The following SERPINC1 variants were observed in gnomAD, a reference collection of about 807,000 sequenced individuals.
SERPINC1 encodes antithrombin-III.
In SERPINC1, 12 loss-of-function variants were observed where a neutral mutation model predicts 43.4. The observed-to-expected ratio is 0.28, with a 90% CI of 0.18 to 0.45. The LOEUF (loss-of-function observed/expected upper bound fraction) is 0.45, where lower values mean the gene tolerates loss of function less well. Among genes scored for constraint, SERPINC1 ranks in the 20% least tolerant of loss-of-function variants. The probability of loss-of-function intolerance (pLI) is 1.00; values close to 1 mark genes in which losing one functional copy is unlikely to be tolerated. For synonymous variants in SERPINC1, 210 were observed against 218.9 expected (o/e 0.96, Z 0.36); for missense variants, 423 against 578.8 (o/e 0.73, Z 2.76).
chr1:173,910,700 A>G lies in SERPINC1; in HGVS notation c.762+54T>C, dbSNP rs542120519. ...CTCGCCATTTAAAAAAAAAGGGGGT[A>G]AGCTGAAGAGCAAGAGGAAGTCCCT... is the stretch of plus-strand genomic sequence containing the variant. On this transcript the variant is annotated intron_variant, in intron 4 of 6. Transcript: ENST00000367698. 876 of 1,589,500 alleles carry G rather than the reference A, an allele frequency of 5.5e-4. 9 individuals are homozygous for G. The South Asian group carries it at 8.6e-3, about 16-fold the overall frequency.
chr1:173,908,089 G>A (rs1657605955), intron 5 of SERPINC1, among the ~76,000 whole-genome samples: 2 of 151,656 alleles, frequency 1.3e-5, no homozygotes, highest in Admixed American at 1.3e-4. Context: ...TCAGCTTTTT[G>A]TGGGAGAGAG....
chr1:173,914,665 G>A lies in SERPINC1; in HGVS notation c.296C>T (p.Ala99Val). Residue 99 changes from alanine (A) to valine (V), a missense_variant, in exon 2 of 7, where the codon GCA becomes GTA. Ala to Val is a moderately conservative substitution (Grantham distance 64, BLOSUM62 0). Transcript: ENST00000367698. ...GTTATCATTGTCATTCTTGGAATCTGCCAGGTGCTGATAGAAAGTGGTAGC... is the reference window on the plus strand; with the variant it reads ...GTTATCATTGTCATTCTTGGAATCTACCAGGTGCTGATAGAAAGTGGTAGC... Reference protein sequence around the residue: ...RFATTFYQHLADSKNDNDNIF... With the variant: ...RFATTFYQHLVDSKNDNDNIF... 2 of 1,614,242 alleles carry A rather than the reference G, an allele frequency of 1.2e-6. No homozygotes were observed. Among genetic ancestry groups the A allele is most frequent in the Non-Finnish European group, 1.7e-6 (2 of 1,180,042 alleles).
At chr1:173,905,089 G>T (rs868448575) in intron 6 of SERPINC1, among the ~76,000 whole-genome samples, 8 of 152,148 alleles carry the variant, frequency 5.3e-5, no homozygotes, top group Admixed American at 1.3e-4. Flanking sequence ...ACCCCTCAAG[G>T]AGGTCTGAGT....
intron 1 of SERPINC1, among the ~76,000 whole-genome samples, chr1:173,916,087 A>T (rs1248058761): frequency 6.6e-6 from 1 of 152,220 alleles, no homozygotes; most frequent in African/African-American, 2.4e-5. Context: ...AATTTTTAAT[A>T]GTCGCCAACA....
chr1:173,915,600 C>T (rs865773957), intron 1 of SERPINC1, among the ~76,000 whole-genome samples: 1 of 152,152 alleles, frequency 6.6e-6, no homozygotes, highest in Non-Finnish European at 1.5e-5. Context: ...TCACTTGAAC[C>T]CAGGAGGCGA....
At chr1:173,904,998 G>T (rs1483033877) in intron 6 of SERPINC1, among the ~76,000 whole-genome samples, 1 of 152,094 alleles carries the variant, frequency 6.6e-6, no homozygotes, top group Non-Finnish European at 1.5e-5. Flanking sequence ...TAAGAACCAT[G>T]GAAAAATCTT....
intron 6 of SERPINC1, 27 bp downstream of exon 6, chr1:173,907,423 C>A: frequency 6.4e-7 from 1 of 1,568,628 alleles, no homozygotes; most frequent in Non-Finnish European, 8.8e-7. Context: ...TTTCTGTACC[C>A]TAAGAGAGTG....
rs1657934754 is a variant in SERPINC1, at chr1:173,915,104, CA to C, written c.42-186del. ...CAGTCCTAGACTTCTTGCCAGGGGA[CA>C]GTTCAGTTGCCTGGACGTGGTCATG... is the stretch of plus-strand genomic sequence containing the variant. On this transcript the variant is annotated intron_variant, in intron 1 of 6. Transcript: ENST00000367698. 14 of 1,461,252 alleles carry C rather than the reference CA, an allele frequency of 9.6e-6. No homozygotes were observed. The South Asian group carries it at 2.0e-4, about 21-fold the overall frequency. 90.5% of individuals were successfully genotyped at this position (1,461,252 alleles called of 1,614,324 possible). A position where few individuals can be genotyped will look rare whatever the true frequency, so the allele number is the denominator to read the frequency against.
In SERPINC1 at chr1:173,914,784, C is replaced by T; in HGVS notation, c.177G>A (p.Glu59=). 2.5e-6 allele frequency: 4 copies of T among 1,614,150 alleles called. No homozygotes were observed. The highest frequency in any genetic ancestry group is 3.4e-6 in the Non-Finnish European group (4 of 1,179,958). The change falls in exon 2 of 7, where the codon GAG becomes GAA. Residue 59 remains glutamate (E), a synonymous_variant. Transcript: ENST00000367698. ...AGCCCTCATCCTCAGTTGCCTTCTT[C>T]TCCGGGGAGCGGTAAATGCACATGG... ...MNPMCIYRSP[E]KKATEDEGSE... is the part of the protein sequence containing the mutation.
At chr1:173,910,677 C>T (rs926178588) in intron 4 of SERPINC1, 77 bp downstream of exon 4, 40 of 1,456,766 alleles carry the variant, frequency 2.7e-5, no homozygotes, top group South Asian at 3.5e-5. Flanking sequence ...GCTTCGGTCT[C>T]GCCATTTAAA....
chr1:173,909,477 C>G, intron 5 of SERPINC1, 75 bp downstream of exon 5: 1 of 1,505,512 alleles, frequency 6.6e-7, no homozygotes, highest in Non-Finnish European at 9.2e-7. Flanking sequence ...CCTTTCTATT[C>G]TTTCTCCAAC....
chr1:173,915,746 T>A (rs1657962508), intron 1 of SERPINC1, among the ~76,000 whole-genome samples: 1 of 152,140 alleles, frequency 6.6e-6, no homozygotes, highest in African/African-American at 2.4e-5. Context: ...GATTCCTACA[T>A]CTCTAGCTCC....
intron 4 of SERPINC1, among the ~76,000 whole-genome samples, chr1:173,910,348 G>C (rs1310602186): frequency 2.6e-5 from 4 of 152,158 alleles, no homozygotes; most frequent in African/African-American, 7.2e-5. Context: ...GGAGGCCGAG[G>C]TGGGCAGATC....
At chr1:173,912,434 A>T (rs964773743) in intron 2 of SERPINC1, among the ~76,000 whole-genome samples, 4 of 152,154 alleles carry the variant, frequency 2.6e-5, no homozygotes, top group African/African-American at 9.7e-5. Context: ...GGGGTGAAAA[A>T]GGAAGAGTGA....
intron 6 of SERPINC1, 140 bp from the exon 7 acceptor site, chr1:173,904,205 TC>T: frequency 1.3e-6 from 1 of 761,696 alleles, no homozygotes; most frequent in Non-Finnish European, 2.3e-6. Context: ...TTGGATTCCC[TC>T]CAGAATCCTA....
intron 1 of SERPINC1, chr1:173,915,249 C>T (rs545558528): frequency 2.1e-4 from 238 of 1,156,726 alleles, no homozygotes; most frequent in Non-Finnish European, 2.4e-4. Context: ...CCTAAAAAAT[C>T]GGCTTTAGTG....
chr1:173,910,138 C>T (rs2102783611), intron 4 of SERPINC1, among the ~76,000 whole-genome samples, 196 bp from the exon 5 acceptor site: 1 of 152,302 alleles, frequency 6.6e-6, no homozygotes, highest in East Asian at 1.9e-4. Flanking sequence ...ACTGTCAAAC[C>T]TTGGAAGCAG....
chr1:173,911,760 G>A, intron 3 of SERPINC1, 39 bp downstream of exon 3: 8 of 1,477,486 alleles, frequency 5.4e-6, no homozygotes, highest in African/African-American at 1.4e-5. Context: ...TGAGTGGAGA[G>A]GAAGAACTCG....
chr1:173,912,189 TA>T (rs1299778379), intron 2 of SERPINC1, among the ~76,000 whole-genome samples, 175 bp from the exon 3 acceptor site: 2 of 151,872 alleles, frequency 1.3e-5, no homozygotes, highest in Non-Finnish European at 2.9e-5. Flanking sequence ...AATAAAAGGA[TA>T]AAAGAAGAAT....
Sources: allele counts gnomAD v4.1 joint callset (sites outside exome capture counted in the v4.1 genomes callset), GRCh38; gene constraint gnomAD v4.1.1; transcripts MANE v1.5; gene names NCBI Gene and HGNC (gene_info 2026-07-23, HGNC 2026-07-21).